The following SLC36A1 variants were observed in gnomAD, a reference collection of about 807,000 sequenced individuals.
The protein encoded by SLC36A1 is solute carrier family 36 member 1, also known as proton-coupled amino acid transporter 1.
Under a neutral mutation model 47.5 loss-of-function variants are expected in SLC36A1, and 30 were observed. The ratio of observed to expected loss-of-function variants is 0.63; its 90% CI spans 0.47 to 0.86. The LOEUF (loss-of-function observed/expected upper bound fraction) is 0.86, where lower values mean the gene tolerates loss of function less well. Among genes scored for constraint, SLC36A1 ranks in the 40% least tolerant of loss-of-function variants. The pLI is 0.00. For synonymous variants in SLC36A1, 255 were observed against 249.7 expected (o/e 1.02, Z -0.20); for missense variants, 517 against 606.0 (o/e 0.85, Z 1.54).
chr5:151,448,124 C>A lies in SLC36A1; in HGVS notation c.-6+311C>A, dbSNP rs115504320. ...GCGGGAGCGCTGCTTGAGACAGGCT[C>A]ATAATGGGTCTTTGGGTCAGAACTG... On this transcript the variant is annotated intron_variant, in intron 1 of 10. Coordinates refer to ENST00000243389, the MANE Select transcript of SLC36A1 (RefSeq NM_078483.4). Among the ~76,000 whole-genome samples, 1,349 of 152,288 alleles carry A rather than the reference C, an allele frequency of 8.9e-3. 15 individuals carry two copies. Among genetic ancestry groups the A allele is most frequent in the African/African-American group, 0.031 (1,296 of 41,554 alleles).
chr5:151,423,576 C>T, the SLC36A1 span, among the ~76,000 whole-genome samples: 3 of 152,226 alleles, frequency 2.0e-5, no homozygotes, highest in South Asian at 2.1e-4. Context: ...TATGACACTC[C>T]GGAAAAGTCA....
the SLC36A1 span, chr5:151,546,055 G>A: frequency 6.2e-7 from 1 of 1,614,146 alleles, no homozygotes; most frequent in Non-Finnish European, 8.5e-7. Context: ...TAACTCATAG[G>A]TAACTTCAGA....
At chr5:151,534,689 AC>A in the SLC36A1 span, 5 of 1,522,572 alleles carry the variant, frequency 3.3e-6, no homozygotes, top group Non-Finnish European at 4.5e-6. Flanking sequence ...GGGAAATATT[AC>A]CCAAGCATGT....
At chr5:151,481,104 C>CT (rs1029787195) in intron 10 of SLC36A1, among the ~76,000 whole-genome samples, 2 of 152,212 alleles carry the variant, frequency 1.3e-5, no homozygotes, top group African/African-American at 4.8e-5. Flanking sequence ...ACAGCAGTCT[C>CT]TGATTCACAG....
chr5:151,410,462 A>G, the SLC36A1 span, among the ~76,000 whole-genome samples: 115 of 145,160 alleles, frequency 7.9e-4, 8 homozygotes, highest in African/African-American at 2.5e-3. Flanking sequence ...TATGATATCA[A>G]TAACATAAAA....
chr5:151,525,063 C>T, the SLC36A1 span, among the ~76,000 whole-genome samples: 1 of 152,244 alleles, frequency 6.6e-6, no homozygotes, highest in Non-Finnish European at 1.5e-5. Flanking sequence ...TTCCTAGCAG[C>T]TTGCAAATGG....
chr5:151,414,457 T>G, the SLC36A1 span, among the ~76,000 whole-genome samples: 2,413 of 152,268 alleles, frequency 0.016, 56 homozygotes, highest in African/African-American at 0.055. Flanking sequence ...TGAGCCAGAT[T>G]AAGGTATTTG....
upstream of SLC36A1, among the ~76,000 whole-genome samples, chr5:151,432,483 G>C (rs149076088): frequency 7.9e-5 from 12 of 152,230 alleles, no homozygotes; most frequent in East Asian, 1.4e-3. Context: ...CACATCACAG[G>C]GTCAGGAGAG....
the SLC36A1 span, chr5:151,347,701 A>T: frequency 1.8e-6 from 1 of 559,026 alleles, no homozygotes; most frequent in Non-Finnish European, 3.2e-6. Context: ...TGGAAAAGGC[A>T]TCACCCATTC....
chr5:151,551,420 C>T, the SLC36A1 span: 1 of 1,596,308 alleles, frequency 6.3e-7, no homozygotes. Flanking sequence ...ACCAAGAAGG[C>T]CTTCCATCTC....
At chr5:151,346,292 G>C in the SLC36A1 span, among the ~76,000 whole-genome samples, 1 of 152,186 alleles carries the variant, frequency 6.6e-6, no homozygotes, top group Non-Finnish European at 1.5e-5. Flanking sequence ...GCCCTGGGGC[G>C]ACAGCACAGG....
chr5:151,500,866 C>T, the SLC36A1 span, among the ~76,000 whole-genome samples: 1 of 152,222 alleles, frequency 6.6e-6, no homozygotes, highest in Admixed American at 6.5e-5. Context: ...TTAGGCCTCC[C>T]CGCAGGCCCA....
chr5:151,512,070 C>A, the SLC36A1 span: 2 of 1,203,154 alleles, frequency 1.7e-6, no homozygotes, highest in Non-Finnish European at 2.3e-6. This position sits in a 1 kb window ranked among gnomAD's most constrained non-coding sequence, Gnocchi z 4.1. Flanking sequence ...AATTTGGAAC[C>A]AGGAGGCTCT....
chr5:151,480,821 C>A (rs1406054391), intron 10 of SLC36A1, among the ~76,000 whole-genome samples: 1 of 152,114 alleles, frequency 6.6e-6, no homozygotes, highest in East Asian at 1.9e-4. Flanking sequence ...TCTGAGGGCC[C>A]AATTCTTAAA....
chr5:151,346,705 C>T, the SLC36A1 span, among the ~76,000 whole-genome samples: 1,133 of 152,254 alleles, frequency 7.4e-3, 10 homozygotes, highest in Non-Finnish European at 0.012. Flanking sequence ...AGCTTGGCTT[C>T]CCTCTTTTTT....
chr5:151,474,183 A>AGAAATTATCTTC (rs1561770143), intron 8 of SLC36A1, among the ~76,000 whole-genome samples: 1 of 145,372 alleles, frequency 6.9e-6, no homozygotes, highest in African/African-American at 2.8e-5. Context: ...AAAAAAAGAA[A>AGAAATTATCTTC]TTATCTTCTG....
At chr5:151,524,644 G>C in the SLC36A1 span, among the ~76,000 whole-genome samples, 1 of 152,204 alleles carries the variant, frequency 6.6e-6, no homozygotes, top group East Asian at 1.9e-4. Flanking sequence ...AAAGATCACA[G>C]TTTGGACCTC....
the SLC36A1 span, among the ~76,000 whole-genome samples, chr5:151,410,533 G>C: frequency 7.0e-6 from 1 of 143,512 alleles, no homozygotes; most frequent in African/African-American, 2.5e-5. Context: ...TATATATGGC[G>C]AGTCCATGAT....
the SLC36A1 span, chr5:151,531,988 G>T: frequency 4.3e-6 from 7 of 1,613,046 alleles, no homozygotes; most frequent in Non-Finnish European, 5.9e-6. This position sits in a 1 kb window ranked among gnomAD's most constrained non-coding sequence, Gnocchi z 5.7. Context: ...GGAGACCAAG[G>T]GTGTGATCCA....
Sources: gnomAD v4.1 joint callset for allele counts (sites outside exome capture counted in the v4.1 genomes callset) on GRCh38, gnomAD v4.1.1 for gene constraint, Gnocchi (gnomAD v3.1) non-coding constraint, MANE v1.5 for transcripts, NCBI Gene and HGNC (gene_info 2026-07-23, HGNC 2026-07-21) for gene names.